Variants in ZCWPW2 observed in about 807,000 individuals in gnomAD.
ZCWPW2 encodes the protein zinc finger CW-type PWWP domain protein 2.
Under a neutral mutation model 46.6 loss-of-function variants are expected in ZCWPW2, and 45 were observed. That is an observed-to-expected ratio of 0.96 (90% CI 0.76 to 1.24). The LOEUF is 1.24. Among genes scored for constraint, ZCWPW2 ranks in the 50% most tolerant of loss-of-function variants. ZCWPW2 has a pLI of 0.00. For missense variants in ZCWPW2, 429 were observed against 403.9 expected (o/e 1.06, Z -0.53); for synonymous variants, 152 against 137.1 (o/e 1.11, Z -0.76).
intron 4 of ZCWPW2, among the ~76,000 whole-genome samples, chr3:28,439,097 A>G (rs1414559530): frequency 6.8e-6 from 1 of 146,756 alleles, no homozygotes; most frequent in Non-Finnish European, 1.5e-5. Context: ...ACACATATAT[A>G]CACACACACA....
chr3:28,379,063 A>T (rs1204126727), intron 1 of ZCWPW2, among the ~76,000 whole-genome samples: 1 of 152,126 alleles, frequency 6.6e-6, no homozygotes, highest in Admixed American at 6.5e-5. Context: ...TTTGGCCCAT[A>T]ATAGTACTTA....
chr3:28,383,843 T>C (rs751171025), intron 1 of ZCWPW2, among the ~76,000 whole-genome samples: 6 of 152,200 alleles, frequency 3.9e-5, no homozygotes, highest in Non-Finnish European at 7.4e-5. Flanking sequence ...AACATTTGCC[T>C]ATTTTATAAA....
intron 2 of ZCWPW2, among the ~76,000 whole-genome samples, chr3:28,403,368 A>G (rs1696025729): frequency 6.6e-6 from 1 of 152,190 alleles, no homozygotes; most frequent in Admixed American, 6.5e-5. Context: ...AAGGAAAACT[A>G]CATAACACTG....
intron 4 of ZCWPW2, chr3:28,478,303 G>T (rs903541894): frequency 1.5e-5 from 5 of 322,612 alleles, no homozygotes; most frequent in Non-Finnish European, 2.6e-5. Flanking sequence ...GAGTGCAGTG[G>T]CACAATCTCG....
intron 3 of ZCWPW2, among the ~76,000 whole-genome samples, chr3:28,423,307 C>G (rs562727720): frequency 2.0e-5 from 3 of 150,742 alleles, no homozygotes; most frequent in African/African-American, 7.3e-5. Flanking sequence ...TCTTATTGAT[C>G]CTGTCCTCTT....
chr3:28,455,015 A>G (rs1322701986), intron 4 of ZCWPW2, among the ~76,000 whole-genome samples: 2 of 152,154 alleles, frequency 1.3e-5, no homozygotes, highest in Admixed American at 6.5e-5. Flanking sequence ...TGGGATTGCT[A>G]GGTCTAATGG....
chr3:28,360,145 G>T (rs1704884589), intron 1 of ZCWPW2, among the ~76,000 whole-genome samples: 2 of 151,636 alleles, frequency 1.3e-5, no homozygotes, highest in African/African-American at 4.8e-5. Context: ...AATGTAGCTT[G>T]GTATAATTAT....
intron 6 of ZCWPW2, among the ~76,000 whole-genome samples, chr3:28,492,449 T>C (rs1699842850): frequency 6.6e-6 from 1 of 152,076 alleles, no homozygotes; most frequent in Non-Finnish European, 1.5e-5. Flanking sequence ...TTATATTTCA[T>C]ATACATACTC....
At position 28,357,732 on chromosome 3, in the gene ZCWPW2, T is replaced by A. The variant is rs139381661; in HGVS notation, c.-134+8529T>A. Reference sequence around the variant, plus strand: ...TCTCTAGCTTATATATGACAGATCATGGGAGTTTACCTCCATAATTGCATA... The same window carrying A: ...TCTCTAGCTTATATATGACAGATCAAGGGAGTTTACCTCCATAATTGCATA... On this transcript the variant is annotated intron_variant, in intron 1 of 9. Coordinates refer to ENST00000383768, the MANE Select transcript of ZCWPW2 (RefSeq NM_001040432.4). Among the ~76,000 whole-genome samples the A allele has an allele frequency of 2.5e-3, 382 of 151,210 alleles. 1 individual carries two copies. Among genetic ancestry groups the A allele is most frequent in the African/African-American group, 8.4e-3 (346 of 41,264 alleles).
rs543288016 is a variant in ZCWPW2, at chr3:28,348,970, G to T, written c.-367G>T. On this transcript the variant is annotated 5_prime_UTR_variant, in exon 1 of 10. The change abolishes an upstream ATG in the 5' untranslated region. Coordinates refer to ENST00000383768, the MANE Select transcript of ZCWPW2 (RefSeq NM_001040432.4). Reference sequence around the variant, plus strand: ...CCGGAAAGTGATTGGAAGTGTGGATGAGCTCTCAGCCGGAAAAGGGGCTGC... The same window carrying T: ...CCGGAAAGTGATTGGAAGTGTGGATTAGCTCTCAGCCGGAAAAGGGGCTGC... The T allele has an allele frequency of 1.8e-4, 181 of 985,600 alleles. No individual in the cohort carries two copies. The highest frequency in any genetic ancestry group is 2.1e-4 in the Non-Finnish European group (178 of 830,148). The allele number at this position is 985,600 out of a possible 1,614,324, so 61.1% of individuals were successfully genotyped here. A position where few individuals can be genotyped will look rare whatever the true frequency, so the allele number is the denominator to read the frequency against.
intron 1 of ZCWPW2, among the ~76,000 whole-genome samples, chr3:28,369,960 C>T (rs918969779): frequency 5.3e-5 from 8 of 152,192 alleles, no homozygotes; most frequent in African/African-American, 9.6e-5. Context: ...CCGAGCCAGG[C>T]ACAGGATATA....
At chr3:28,398,796 G>A (rs900810121) in intron 2 of ZCWPW2, among the ~76,000 whole-genome samples, 1 of 152,154 alleles carries the variant, frequency 6.6e-6, no homozygotes, top group African/African-American at 2.4e-5. Context: ...TGAGCTCGCT[G>A]GGTCCCCTAG....
At chr3:28,518,642 T>C (rs183899229) in intron 8 of ZCWPW2, among the ~76,000 whole-genome samples, 16 of 152,210 alleles carry the variant, frequency 1.1e-4, no homozygotes, top group Non-Finnish European at 1.6e-4. Flanking sequence ...GAGCCTACAA[T>C]GCCATTTCGC....
At chr3:28,380,174 CG>C (rs1439378009) in intron 1 of ZCWPW2, among the ~76,000 whole-genome samples, 4 of 151,944 alleles carry the variant, frequency 2.6e-5, no homozygotes, top group African/African-American at 9.6e-5. Flanking sequence ...TTAGTAGACA[CG>C]GGGTTTCACC....
chr3:28,393,566 C>T (rs926513033), intron 2 of ZCWPW2, among the ~76,000 whole-genome samples: 2 of 152,014 alleles, frequency 1.3e-5, no homozygotes, highest in Non-Finnish European at 2.9e-5. Flanking sequence ...CCAAATTAAA[C>T]AGCACATTAA....
intron 7 of ZCWPW2, among the ~76,000 whole-genome samples, chr3:28,514,506 G>C (rs1476225618): frequency 6.6e-6 from 1 of 152,132 alleles, no homozygotes; most frequent in African/African-American, 2.4e-5. Flanking sequence ...ATTTGTACCA[G>C]GATAAGGGGC....
At chr3:28,461,966 G>C (rs1037452768) in intron 4 of ZCWPW2, among the ~76,000 whole-genome samples, 3 of 152,086 alleles carry the variant, frequency 2.0e-5, no homozygotes, top group African/African-American at 7.2e-5. Flanking sequence ...AGACACCAGT[G>C]GTTGGTTGTT....
chr3:28,495,675 T>C (rs1699967998), intron 6 of ZCWPW2, among the ~76,000 whole-genome samples: 1 of 152,098 alleles, frequency 6.6e-6, no homozygotes, highest in Admixed American at 6.6e-5. Flanking sequence ...AATATGTCTT[T>C]GTTTTTTATT....
chr3:28,368,063 G>A (rs554786383), intron 1 of ZCWPW2, among the ~76,000 whole-genome samples: 1 of 152,182 alleles, frequency 6.6e-6, no homozygotes, highest in African/African-American at 2.4e-5. Flanking sequence ...TGGGTTTCCT[G>A]AATGCAGCAT....
Sources: gnomAD v4.1 joint callset for allele counts (sites outside exome capture counted in the v4.1 genomes callset) on GRCh38, gnomAD v4.1.1 for gene constraint, MANE v1.5 for transcripts, NCBI Gene and HGNC (gene_info 2026-07-23, HGNC 2026-07-21) for gene names.